The following MTMR10 variants were observed in gnomAD, a reference collection of about 807,000 sequenced individuals.
MTMR10 encodes the protein myotubularin related protein 10.
Under a neutral mutation model 88.1 loss-of-function variants are expected in MTMR10, and 56 were observed. That is an observed-to-expected ratio of 0.64 (90% CI 0.51 to 0.79). The LOEUF is 0.79. Ranked by LOEUF, MTMR10 falls within the 30% of genes least tolerant of loss-of-function variation. The pLI is 0.00. For synonymous variants in MTMR10, 380 were observed against 340.9 expected (o/e 1.11, Z -1.26); for missense variants, 883 against 924.7 (o/e 0.95, Z 0.58).
At position 30,941,943 on chromosome 15, in the gene MTMR10, C is replaced by T. The variant is rs534898131; in HGVS notation, c.1861G>A (p.Asp621Asn). ...KPKPDPAQQT[D>N]SQNSDTEQYF... ...TGCTCCGTATCACTGTTCTGGCTGT[C>T]GGTTTGCTGAGCTGGATCTGGCTTT... The change falls in exon 16 of 16, where the codon GAC becomes AAC. Residue 621 changes from aspartate (D) to asparagine (N), a missense_variant. Around this residue, in one of 3 missense-constraint regions of MTMR10, gnomAD observed 343 missense variants for 323.2 expected, o/e 1.06. Transcript: ENST00000435680. 65 of 1,613,976 alleles carry T rather than the reference C, an allele frequency of 4.0e-5. 3 individuals carry two copies. The South Asian group carries it at 5.8e-4, about 14-fold the overall frequency.
the MTMR10 span, among the ~76,000 whole-genome samples, chr15:30,933,555 T>C: frequency 6.8e-4 from 103 of 152,356 alleles, no homozygotes; most frequent in African/African-American, 2.5e-3. Context: ...TGGTATTCCC[T>C]GGTGAATATT....
At chr15:30,927,755 G>T in the MTMR10 span, 985 of 985,786 alleles carry the variant, frequency 1.0e-3, 2 homozygotes, top group South Asian at 2.1e-3. Context: ...GAGGGCTGAT[G>T]TGCAGAGAAG....
chr15:30,938,731 C>G (rs1028610798), downstream of MTMR10, among the ~76,000 whole-genome samples: 1 of 152,052 alleles, frequency 6.6e-6, no homozygotes, highest in African/African-American at 2.4e-5. Flanking sequence ...AATGGAAGGA[C>G]CAGTTAGGGC....
chr15:30,919,170 C>T, the MTMR10 span, among the ~76,000 whole-genome samples: 2 of 151,986 alleles, frequency 1.3e-5, no homozygotes, highest in African/African-American at 4.8e-5. Context: ...CACCTGAGGT[C>T]GGGAGTCTGA....
At chr15:30,920,046 A>G in the MTMR10 span, among the ~76,000 whole-genome samples, 1 of 152,242 alleles carries the variant, frequency 6.6e-6, no homozygotes, top group Non-Finnish European at 1.5e-5. Context: ...TGCAGGCCAT[A>G]TGGTTTCTGT....
At chr15:30,936,430 AAC>A (rs1221552833), downstream of MTMR10, among the ~76,000 whole-genome samples, 1 of 152,228 alleles carries the variant, frequency 6.6e-6, no homozygotes, top group Admixed American at 6.5e-5. Context: ...TTGAAAATGT[AAC>A]AGAGTAATCG....
Position 30,940,738 on chromosome 15 carries a change from A to C in MTMR10, c.*732T>G, listed in dbSNP as rs1259569252. ...AGCTTAGTATGAAAAGCCTATTTCAAATATGCAATGGGATTTTCCCACCCC... is the reference window on the plus strand; with the variant it reads ...AGCTTAGTATGAAAAGCCTATTTCACATATGCAATGGGATTTTCCCACCCC... On this transcript the variant is annotated 3_prime_UTR_variant, in exon 16 of 16. Transcript: ENST00000435680. 6.1e-6 allele frequency: 6 copies of C among 989,704 alleles called. No homozygotes were observed. Among genetic ancestry groups the C allele is most frequent in the Non-Finnish European group, 7.2e-6 (6 of 832,776 alleles). 61.3% of individuals were successfully genotyped at this position (989,704 alleles called of 1,614,324 possible). A position where few individuals can be genotyped will look rare whatever the true frequency, so the allele number is the denominator to read the frequency against.
chr15:30,976,885 C>T lies in MTMR10; in HGVS notation c.192G>A (p.Leu64=). Residue 64 remains leucine (L), a synonymous_variant, in exon 3 of 16, where the codon TTG becomes TTA. Transcript: ENST00000435680. ...CIATDTSQYD[L]WGKLICSNFK... is the part of the protein sequence containing the mutation. ...AGTTACTGCATATCAGCTTTCCCCACAAATCGTACTGGCTTGTGTCTGTTG... is the reference window on the plus strand; with the variant it reads ...AGTTACTGCATATCAGCTTTCCCCATAAATCGTACTGGCTTGTGTCTGTTG... 6.2e-7 allele frequency: 1 copy of T among 1,613,894 alleles called. No homozygotes were observed.
intron 6 of MTMR10, chr15:30,965,784 T>G: frequency 6.6e-6 from 2 of 303,676 alleles, no homozygotes; most frequent in South Asian, 6.0e-5. Context: ...CCTGAGTGAC[T>G]AAGGCCAGCT....
At chr15:30,971,279 A>G (rs991824135) in intron 5 of MTMR10, among the ~76,000 whole-genome samples, 1 of 152,186 alleles carries the variant, frequency 6.6e-6, no homozygotes, top group Non-Finnish European at 1.5e-5. Flanking sequence ...GAAGTAAACT[A>G]CTTTTAAATC....
the MTMR10 span, among the ~76,000 whole-genome samples, chr15:30,923,945 C>CGAGA: frequency 1.3e-5 from 2 of 152,130 alleles, no homozygotes; most frequent in East Asian, 3.8e-4. Context: ...CATTGCCTCT[C>CGAGA]CACTTACCAC....
the MTMR10 span, among the ~76,000 whole-genome samples, chr15:30,920,848 G>T: frequency 6.6e-6 from 1 of 152,284 alleles, no homozygotes; most frequent in Non-Finnish European, 1.5e-5. Context: ...GCAGTGGCAG[G>T]GTTCAGCTTA....
chr15:30,927,218 C>CA, the MTMR10 span: 22 of 848,980 alleles, frequency 2.6e-5, no homozygotes, highest in African/African-American at 2.1e-4. Context: ...CAAAACAAAA[C>CA]AAACAAAGGA....
Position 30,967,982 on chromosome 15 carries a change from T to C in MTMR10, c.503A>G (p.Gln168Arg). The change falls in exon 6 of 16, where the codon CAG becomes CGG. Residue 168 changes from glutamine to arginine, a missense_variant. Transcript: ENST00000435680. ...KVCLAIAHYS[Q>R]PTDLQLLFAF... ...AAAGAGTAGCTGGAGGTCTGTTGGC[T>C]GGGAATAATGAGCTATTGCAAGGCA... 17 of 1,573,888 alleles carry C rather than the reference T, an allele frequency of 1.1e-5. No individual in the cohort carries two copies. The highest frequency in any genetic ancestry group is 1.5e-5 in the Non-Finnish European group (17 of 1,158,352).
At chr15:30,988,759 C>A (rs984389580) in intron 2 of MTMR10, among the ~76,000 whole-genome samples, 44 of 152,078 alleles carry the variant, frequency 2.9e-4, no homozygotes, top group African/African-American at 1.1e-3. Context: ...GAGGCCAAGG[C>A]GGGCGGATCA....
In MTMR10 at chr15:30,939,014, A is replaced by ACAT. The variant is rs2062950292; in HGVS notation, c.*2453_*2455dup. 2.0e-6 allele frequency: 2 copies of ACAT among 985,108 alleles called. No individual in the cohort carries two copies. Among genetic ancestry groups the ACAT allele is most frequent in the South Asian group, 9.4e-5 (2 of 21,276 alleles). 61.0% of individuals were successfully genotyped at this position (985,108 alleles called of 1,614,324 possible). A position where few individuals can be genotyped will look rare whatever the true frequency, so the allele number is the denominator to read the frequency against. Reference sequence around the variant, plus strand: ...CAATACTGTTGAACAACAAGATAACACATCTTCTTGCTCATCCCACTTGAA... The same window carrying ACAT: ...CAATACTGTTGAACAACAAGATAACACATCATCTTCTTGCTCATCCCACTTGAA... On this transcript the variant is annotated 3_prime_UTR_variant, in exon 16 of 16. Coordinates refer to ENST00000435680, the MANE Select transcript of MTMR10 (RefSeq NM_017762.3).
chr15:30,976,754 T>C (rs1475864828), intron 3 of MTMR10, 65 bp downstream of exon 3: 1 of 1,507,912 alleles, frequency 6.6e-7, no homozygotes, highest in Non-Finnish European at 9.0e-7. Flanking sequence ...ATGTTTTATA[T>C]AATAATATGT....
chr15:30,936,655 ATT>A (rs745973558), downstream of MTMR10, among the ~76,000 whole-genome samples: 1 of 84,926 alleles, frequency 1.2e-5, no homozygotes, highest in South Asian at 4.8e-4. Flanking sequence ...AACTGAAAAT[ATT>A]GTTAAGTTGA....
chr15:30,926,479 G>A, the MTMR10 span: 1 of 262,400 alleles, frequency 3.8e-6, no homozygotes, highest in Non-Finnish European at 5.9e-6. Context: ...CATGATTTCA[G>A]TATTCCCCGA....
Sources: gnomAD v4.1 joint callset for allele counts (sites outside exome capture counted in the v4.1 genomes callset) on GRCh38, gnomAD v4.1.1 for gene constraint, gnomAD v4.1.1 regional missense constraint, MANE v1.5 for transcripts, NCBI Gene and HGNC (gene_info 2026-07-23, HGNC 2026-07-21) for gene names.